The following TOP2B variants were observed in gnomAD, a reference collection of about 807,000 sequenced individuals.
TOP2B encodes the protein DNA topoisomerase II beta, also known as DNA topoisomerase 2-beta.
A neutral mutation model predicts 193.5 loss-of-function variants in TOP2B; 51 were observed. The observed-to-expected ratio is 0.26, with a 90% CI of 0.21 to 0.33. The LOEUF is 0.33. Ranked by LOEUF, TOP2B falls within the 10% of genes least tolerant of loss-of-function variation. The pLI is 1.00. For synonymous variants in TOP2B, 634 were observed against 635.7 expected (o/e 1.00, Z 0.04); for missense variants, 1,378 against 1,909.3 (o/e 0.72, Z 5.19).
rs1005440865 is a variant in TOP2B, at chr3:25,609,033, A to C, written c.4093+150T>G. The C allele has an allele frequency of 1.9e-5, 10 of 513,752 alleles. No individual in the cohort carries two copies. In the African/African-American group the frequency reaches 2.0e-4, roughly 10 times the overall value. The allele number at this position is 513,752 out of a possible 1,614,324, so 31.8% of individuals were successfully genotyped here. A position where few individuals can be genotyped will look rare whatever the true frequency, so the allele number is the denominator to read the frequency against. On this transcript the variant is annotated intron_variant, in intron 30 of 35. Coordinates refer to ENST00000264331, the MANE Select transcript of TOP2B (RefSeq NM_001330700.2). ...AAATTTATGTCCAACTTTGCTAGAA[A>C]GACTGTTCTATAAGGCAATTTTTTC... is the stretch of plus-strand genomic sequence containing the variant.
At chr3:25,627,708 TATATTA>T (rs1464765708) in intron 15 of TOP2B, among the ~76,000 whole-genome samples, 1 of 152,124 alleles carries the variant, frequency 6.6e-6, no homozygotes, top group African/African-American at 2.4e-5. Flanking sequence ...AGAGAAATGC[TATATTA>T]ATAAACTTAT....
chr3:25,607,152 A>T lies in TOP2B; in HGVS notation c.4298+19T>A. The T allele has an allele frequency of 6.2e-7, 1 of 1,611,628 alleles. No homozygotes were observed. The highest frequency in any genetic ancestry group is 8.5e-7 in the Non-Finnish European group (1 of 1,178,914). On this transcript the variant is annotated intron_variant, in intron 31 of 35. Coordinates refer to ENST00000264331, the MANE Select transcript of TOP2B (RefSeq NM_001330700.2). ...TTACAACAATTAACTATACCACATC[A>T]CTAAATAGCATTACTTACTCTGGAG...
intron 15 of TOP2B, 68 bp downstream of exon 15, chr3:25,628,779 T>C: frequency 1.0e-6 from 1 of 984,308 alleles, no homozygotes; most frequent in South Asian, 1.8e-5. Context: ...TCAAGTCATC[T>C]TTTAGATTGC....
chr3:25,621,055 G>T (rs143641210), intron 21 of TOP2B, among the ~76,000 whole-genome samples: 1 of 151,922 alleles, frequency 6.6e-6, no homozygotes, highest in Non-Finnish European at 1.5e-5. Flanking sequence ...CTTTCTTTCA[G>T]CCTACTTCCC....
intron 6 of TOP2B, among the ~76,000 whole-genome samples, 166 bp downstream of exon 6, chr3:25,637,049 C>A (rs898964883): frequency 6.6e-6 from 1 of 151,754 alleles, no homozygotes; most frequent in Non-Finnish European, 1.5e-5. Flanking sequence ...TTAAATCTCC[C>A]AGGCATTCTG....
chr3:25,643,352 C>G lies in TOP2B; in HGVS notation c.331+342G>C, dbSNP rs563313899. 4.2e-4 allele frequency among the ~76,000 whole-genome samples: 64 copies of G among 152,314 alleles called. No homozygotes were observed. In the South Asian group the frequency reaches 0.013, roughly 31 times the overall value. ...TACATATCCCACCAACTCAACGAAT[C>G]TGCAAAATCAGTCCCTGTCATCTCC... is the stretch of plus-strand genomic sequence containing the variant. On this transcript the variant is annotated intron_variant, in intron 3 of 35. Coordinates refer to ENST00000264331, the MANE Select transcript of TOP2B (RefSeq NM_001330700.2).
chr3:25,660,606 G>A (rs73054068), intron 1 of TOP2B, among the ~76,000 whole-genome samples: 54,563 of 152,122 alleles, frequency 0.36, 10,535 homozygotes, highest in African/African-American at 0.5. Context: ...CCTAACTTGT[G>A]TAGGGGACAG....
At chr3:25,644,071 T>C (rs1258677343) in intron 2 of TOP2B, among the ~76,000 whole-genome samples, 1 of 151,954 alleles carries the variant, frequency 6.6e-6, no homozygotes, top group Non-Finnish European at 1.5e-5. Context: ...AATAAAAACA[T>C]TACTTTTCAT....
intron 1 of TOP2B, among the ~76,000 whole-genome samples, chr3:25,661,213 G>A (rs558828612): frequency 6.6e-6 from 1 of 152,176 alleles, no homozygotes; most frequent in East Asian, 1.9e-4. Flanking sequence ...TGGTCAGGCT[G>A]GTCATGAACT....
chr3:25,645,894 G>A (rs181124183), intron 1 of TOP2B, among the ~76,000 whole-genome samples: 2 of 151,830 alleles, frequency 1.3e-5, no homozygotes, highest in Admixed American at 6.6e-5. Context: ...TGAGTAGCTG[G>A]GACTACAGGT....
intron 30 of TOP2B, among the ~76,000 whole-genome samples, chr3:25,607,698 C>T (rs1702268969): frequency 6.6e-6 from 1 of 152,206 alleles, no homozygotes; most frequent in Admixed American, 6.5e-5. Context: ...TCTCATACAG[C>T]CATTATACAA....
intron 6 of TOP2B, among the ~76,000 whole-genome samples, chr3:25,636,506 T>C (rs913999660): frequency 6.6e-6 from 1 of 152,120 alleles, no homozygotes; most frequent in Non-Finnish European, 1.5e-5. Context: ...ATAGGTTATA[T>C]GCAAATACTA....
chr3:25,630,926 C>T lies in TOP2B; in HGVS notation c.1280G>A (p.Gly427Asp), dbSNP rs1435355077. 1.9e-6 allele frequency: 3 copies of T among 1,588,296 alleles called. No homozygotes were observed. Among genetic ancestry groups the T allele is most frequent in the South Asian group, 1.2e-5 (1 of 86,188 alleles). The change falls in exon 11 of 36, where the codon GGC becomes GAC. Residue 427 changes from glycine to aspartate, a missense_variant. Gly to Asp is a moderately conservative substitution (Grantham distance 94, BLOSUM62 -1). Coordinates refer to ENST00000264331, the MANE Select transcript of TOP2B (RefSeq NM_001330700.2). ...CCAGTTCAGGATACTTTCTACAATGCCACAATTAGAGGCCTAAAAATAAAA... is the reference window on the plus strand; with the variant it reads ...CCAGTTCAGGATACTTTCTACAATGTCACAATTAGAGGCCTAAAAATAAAA... The part of the protein sequence containing the change: ...EKFFKAASNC[G>D]IVESILNWVK...
At chr3:25,611,929 GATTTTT>G (rs1424498819) in intron 28 of TOP2B, among the ~76,000 whole-genome samples, 1 of 151,740 alleles carries the variant, frequency 6.6e-6, no homozygotes, top group Non-Finnish European at 1.5e-5. Flanking sequence ...TGGCTTCCAA[GATTTTT>G]ATTTTTATTT....
chr3:25,641,042 A>G (rs971663884), intron 4 of TOP2B, among the ~76,000 whole-genome samples: 1 of 152,106 alleles, frequency 6.6e-6, no homozygotes, highest in East Asian at 1.9e-4. Flanking sequence ...TCAGCCTCCC[A>G]AAGTGCCAGG....
chr3:25,606,006 T>C, intron 32 of TOP2B, 37 bp downstream of exon 32: 1 of 1,221,398 alleles, frequency 8.2e-7, no homozygotes. Flanking sequence ...CTAAAAGCAA[T>C]AATACAATAA....
Position 25,630,041 on chromosome 3 carries a change from A to C in TOP2B, c.1677T>G (p.Ile559Met). 1 of 1,604,048 alleles carries C rather than the reference A, an allele frequency of 6.2e-7. No homozygotes were observed. The highest frequency in any genetic ancestry group is 1.3e-5 in the African/African-American group (1 of 74,662). Reference sequence around the variant, plus strand: ...CTTTAAAACCAACCTGATCGGTCATAATCATAATCTTTCCATAGCGTAAGG... The same window carrying C: ...CTTTAAAACCAACCTGATCGGTCATCATCATAATCTTTCCATAGCGTAAGG... ...LKTLRYGKIM[I>M]MTDQDQDGSH... is the part of the protein sequence containing the mutation. The change falls in exon 13 of 36, where the codon ATT becomes ATG. Residue 559 changes from isoleucine (I) to methionine (M), a missense_variant. Ile to Met is a conservative substitution (Grantham distance 10, BLOSUM62 1). Around this residue, in one of 9 missense-constraint regions of TOP2B, gnomAD observed 66 missense variants for 153.3 expected, o/e 0.43. Transcript: ENST00000264331.
intron 7 of TOP2B, 117 bp downstream of exon 7, chr3:25,635,819 G>T: frequency 1.3e-6 from 1 of 743,914 alleles, no homozygotes. Context: ...CTTTAAATGT[G>T]AATCATCTGA....
chr3:25,658,901 T>C (rs1482405034), intron 1 of TOP2B, among the ~76,000 whole-genome samples: 1 of 152,186 alleles, frequency 6.6e-6, no homozygotes, highest in Non-Finnish European at 1.5e-5. Context: ...TATAGCAATT[T>C]GGCAGAAGCA....
Sources: gnomAD v4.1 joint callset for allele counts (sites outside exome capture counted in the v4.1 genomes callset) on GRCh38, gnomAD v4.1.1 for gene constraint, gnomAD v4.1.1 regional missense constraint, MANE v1.5 for transcripts, NCBI Gene and HGNC (gene_info 2026-07-23, HGNC 2026-07-21) for gene names.